The following EYA1 variants were observed in gnomAD, a reference collection of about 807,000 sequenced individuals.
The protein encoded by EYA1 is protein phosphatase EYA1.
EYA1 carries 16 observed loss-of-function variants against 82.0 expected under a neutral mutation model. The ratio of observed to expected loss-of-function variants is 0.20; its 90% CI spans 0.13 to 0.30. The LOEUF (loss-of-function observed/expected upper bound fraction) is 0.30. EYA1 is among the 10% of genes least tolerant of loss of function. The probability of loss-of-function intolerance (pLI) is 1.00; values close to 1 mark genes in which losing one functional copy is unlikely to be tolerated. For synonymous variants in EYA1, 261 were observed against 264.4 expected, an observed-to-expected ratio of 0.99 and a Z score of 0.12; for missense variants, 633 against 730.7, an observed-to-expected ratio of 0.87 and a Z score of 1.54.
intron 17 of EYA1, among the ~76,000 whole-genome samples, chr8:71,205,992 A>T (rs1226587519): frequency 6.6e-6 from 1 of 152,214 alleles, no homozygotes; most frequent in Non-Finnish European, 1.5e-5. Flanking sequence ...TAATTTATTT[A>T]ATAAACTAAA....
At chr8:71,233,888 G>A (rs951360539) in intron 12 of EYA1, among the ~76,000 whole-genome samples, 8 of 152,168 alleles carry the variant, frequency 5.3e-5, no homozygotes, top group Non-Finnish European at 1.2e-4. Flanking sequence ...AAACATATGA[G>A]AGCCTTCCAT....
upstream of EYA1, among the ~76,000 whole-genome samples, chr8:71,363,064 T>C (rs534716492): frequency 3.3e-5 from 5 of 152,322 alleles, no homozygotes; most frequent in South Asian, 1.0e-3. Flanking sequence ...AATAAAATCT[T>C]TAAGCCCATC....
chr8:71,285,262 A>G (rs1008186637), intron 9 of EYA1, among the ~76,000 whole-genome samples: 2 of 152,266 alleles, frequency 1.3e-5, no homozygotes, highest in Non-Finnish European at 2.9e-5. Context: ...TTATCAATAT[A>G]AAAGCTGAAT....
At chr8:71,251,529 T>G (rs997514279) in intron 11 of EYA1, among the ~76,000 whole-genome samples, 1 of 152,220 alleles carries the variant, frequency 6.6e-6, no homozygotes, top group Non-Finnish European at 1.5e-5. Context: ...AAGGAACTTG[T>G]TGTCATCCTA....
rs1240375076 is a variant in EYA1 at position 71,197,761 on chromosome 8, C to T, written c.*1579G>A. ...TTCGGGTCAAAGCTGGTGTTTTTCC[C>T]GCCCAATATATGATTGATTAAAGAA... On this transcript the variant is annotated 3_prime_UTR_variant, in exon 18 of 18. Transcript: ENST00000340726. 3.3e-5 allele frequency: 5 copies of T among 152,580 alleles called. No individual in the cohort carries two copies. The highest frequency in any genetic ancestry group is 1.9e-4 in the East Asian group (1 of 5,158). 9.5% of individuals were successfully genotyped at this position (152,580 alleles called of 1,614,324 possible).
intron 2 of EYA1, among the ~76,000 whole-genome samples, chr8:71,424,831 C>T (rs570358669): frequency 1.6e-4 from 24 of 152,144 alleles, no homozygotes; most frequent in East Asian, 3.9e-4. Flanking sequence ...TTCCTTCCTG[C>T]GGCTCTACGG....
chr8:71,350,754 C>A (rs994156042), intron 3 of EYA1, among the ~76,000 whole-genome samples: 7 of 152,136 alleles, frequency 4.6e-5, no homozygotes, highest in African/African-American at 1.7e-4. Context: ...TCACTCCTTA[C>A]TCCAAGACAA....
intron 2 of EYA1, among the ~76,000 whole-genome samples, chr8:71,408,677 C>G (rs1469538919): frequency 8.7e-6 from 1 of 114,846 alleles, no homozygotes; most frequent in Non-Finnish European, 1.8e-5. Context: ...AGCTAACTAT[C>G]CTAAATATAT....
At chr8:71,352,762 A>G (rs1186653396) in intron 3 of EYA1, among the ~76,000 whole-genome samples, 1 of 152,220 alleles carries the variant, frequency 6.6e-6, no homozygotes, top group Non-Finnish European at 1.5e-5. Flanking sequence ...GTATTCCTAA[A>G]TATGAATGTG....
intron 2 of EYA1, among the ~76,000 whole-genome samples, chr8:71,479,718 C>T (rs1274947146): frequency 6.6e-6 from 1 of 150,808 alleles, no homozygotes; most frequent in Non-Finnish European, 1.5e-5. Flanking sequence ...ATGGCCCAAG[C>T]AGCTACACTG....
chr8:71,241,429 C>G (rs1055167719), intron 12 of EYA1, among the ~76,000 whole-genome samples: 10 of 152,128 alleles, frequency 6.6e-5, no homozygotes, highest in Admixed American at 2.0e-4. Flanking sequence ...TACACTGATT[C>G]ATAATATGAC....
At chr8:71,344,510 T>C (rs916568051) in intron 3 of EYA1, among the ~76,000 whole-genome samples, 8 of 152,238 alleles carry the variant, frequency 5.3e-5, no homozygotes, top group Non-Finnish European at 1.0e-4. Context: ...TATTGTGTAA[T>C]TCATAGATGA....
At chr8:71,298,186 G>A (rs1026849991) in intron 9 of EYA1, among the ~76,000 whole-genome samples, 36 of 152,222 alleles carry the variant, frequency 2.4e-4, no homozygotes, top group African/African-American at 8.2e-4. Flanking sequence ...TATCAGAGAG[G>A]TAATTTTTTC....
chr8:71,353,459 A>G (rs1826510613), intron 3 of EYA1, among the ~76,000 whole-genome samples: 1 of 152,260 alleles, frequency 6.6e-6, no homozygotes, highest in South Asian at 2.1e-4. Flanking sequence ...AAGGCACCTC[A>G]TTCAGAGATT....
At chr8:71,446,755 C>T (rs1293468665) in intron 2 of EYA1, among the ~76,000 whole-genome samples, 3 of 152,142 alleles carry the variant, frequency 2.0e-5, no homozygotes, top group Middle Eastern at 3.2e-3. Context: ...CTCAGATCTG[C>T]CTAATGTCTT....
intron 2 of EYA1, among the ~76,000 whole-genome samples, chr8:71,522,585 T>A (rs1813481958): frequency 1.3e-5 from 2 of 151,970 alleles, no homozygotes; most frequent in South Asian, 4.1e-4. Context: ...CTTAAAAATA[T>A]ATGATGTATG....
At chr8:71,403,846 T>G (rs1166432788) in intron 2 of EYA1, 1 of 152,140 alleles carries the variant, frequency 6.6e-6, no homozygotes, top group African/African-American at 2.4e-5. Flanking sequence ...AAAGTATACA[T>G]CCCAAGCTGA....
chr8:71,247,602 A>G (rs1356288256), intron 11 of EYA1, among the ~76,000 whole-genome samples: 1 of 152,236 alleles, frequency 6.6e-6, no homozygotes, highest in Non-Finnish European at 1.5e-5. Context: ...ATGAAATTTC[A>G]TAGGTTTTAG....
intron 2 of EYA1, among the ~76,000 whole-genome samples, chr8:71,414,466 C>A (rs566917386): frequency 6.6e-6 from 1 of 152,184 alleles, no homozygotes; most frequent in Non-Finnish European, 1.5e-5. Context: ...ACAAGGTTTA[C>A]GGCCTTTCTA....
Sources: allele counts gnomAD v4.1 joint callset (sites outside exome capture counted in the v4.1 genomes callset), GRCh38; gene constraint gnomAD v4.1.1; transcripts MANE v1.5; gene names NCBI Gene and HGNC (gene_info 2026-07-23, HGNC 2026-07-21).